Variants in ATL3 observed in about 807,000 individuals in gnomAD.
ATL3 encodes the protein atlastin-3.
ATL3 carries 49 observed loss-of-function variants against 69.5 expected under a neutral mutation model. The ratio of observed to expected loss-of-function variants is 0.71; its 90% CI spans 0.56 to 0.89. The LOEUF (loss-of-function observed/expected upper bound fraction) is 0.89. ATL3 is among the 40% of genes least tolerant of loss of function. The pLI is 0.00. For missense variants in ATL3, 606 were observed against 645.7 expected (o/e 0.94, Z 0.67); for synonymous variants, 214 against 224.1 (o/e 0.95, Z 0.40).
Position 63,663,112 on chromosome 11 carries a change from G to A in ATL3, c.47-3860C>T, listed in dbSNP as rs76668508. Reference sequence around the variant, plus strand: ...TATAGTATCAGATAGCAACAGAAGGGTTCTTCGCACTTTTTTTTTTTTTGG... The same window carrying A: ...TATAGTATCAGATAGCAACAGAAGGATTCTTCGCACTTTTTTTTTTTTTGG... On this transcript the variant is annotated intron_variant, in intron 1 of 12. Transcript: ENST00000398868. Among the ~76,000 whole-genome samples, 1,408 of 151,432 alleles carry A rather than the reference G, an allele frequency of 9.3e-3. 11 individuals are homozygous for A. The highest frequency in any genetic ancestry group is 0.014 in the Non-Finnish European group (945 of 67,914).
At chr11:63,652,307 T>C (rs1940102218) in intron 4 of ATL3, among the ~76,000 whole-genome samples, 164 bp downstream of exon 4, 1 of 152,236 alleles carries the variant, frequency 6.6e-6, no homozygotes. Context: ...AAAAATTCTT[T>C]GGCTCCTTCT....
At position 63,632,479 on chromosome 11, in the gene ATL3, G is replaced by A. The variant is rs563419710; in HGVS notation, c.1107+547C>T. The A allele has an allele frequency of 3.6e-4, 305 of 856,840 alleles. 1 individual carries two copies. In the African/African-American group the frequency reaches 4.3e-3, roughly 12 times the overall value. 53.1% of individuals were successfully genotyped at this position (856,840 alleles called of 1,614,324 possible). A position where few individuals can be genotyped will look rare whatever the true frequency, so the allele number is the denominator to read the frequency against. ...ATCAAATATTTGTAAAAGAGTAACT[G>A]GTTTGGAAGGAGACAAAATCCTCAC... On this transcript the variant is annotated intron_variant, in intron 11 of 12. Transcript: ENST00000398868.
At chr11:63,651,305 A>C (rs1455526369) in intron 5 of ATL3, among the ~76,000 whole-genome samples, 1 of 152,088 alleles carries the variant, frequency 6.6e-6, no homozygotes, top group East Asian at 1.9e-4. Context: ...AAATACAAAA[A>C]GTAGCCGGGC....
intron 12 of ATL3, 63 bp from the exon 13 acceptor site, chr11:63,629,468 A>T: frequency 6.9e-7 from 1 of 1,450,928 alleles, no homozygotes; most frequent in African/African-American, 1.4e-5. Flanking sequence ...CAAGAAAGTA[A>T]GTCCTTAAAC....
chr11:63,630,525 C>T (rs1361901028), intron 12 of ATL3, among the ~76,000 whole-genome samples: 3 of 150,924 alleles, frequency 2.0e-5, no homozygotes, highest in African/African-American at 2.4e-5. Context: ...GGGCTGGGCA[C>T]GGTGGCTCAC....
At chr11:63,632,313 T>G in intron 11 of ATL3, 2 of 786,238 alleles carry the variant, frequency 2.5e-6, no homozygotes, top group Non-Finnish European at 4.7e-6. Context: ...AATACGTTGG[T>G]GGTGTTGTCA....
At position 63,633,022 on chromosome 11, in the gene ATL3, G is replaced by C; in HGVS notation, c.1107+4C>G. Reference sequence around the variant, plus strand: ...TTTCAGAATAAGGCGTATGTCCCACGTACCTCTTCCATGTTGTTATAATAA... The same window carrying C: ...TTTCAGAATAAGGCGTATGTCCCACCTACCTCTTCCATGTTGTTATAATAA... On this transcript the variant is annotated splice_donor_region_variant and intron_variant, in intron 11 of 12. Transcript: ENST00000398868. 6.2e-7 allele frequency: 1 copy of C among 1,613,506 alleles called. No individual in the cohort carries two copies. Among genetic ancestry groups the C allele is most frequent in the East Asian group, 2.2e-5 (1 of 44,874 alleles).
chr11:63,657,780 C>T (rs1396806015), intron 3 of ATL3, among the ~76,000 whole-genome samples: 1 of 151,548 alleles, frequency 6.6e-6, no homozygotes, highest in Admixed American at 6.6e-5. Flanking sequence ...CAGAAAATAA[C>T]AGTTCATAAA....
rs36043798 is a variant in ATL3 at position 63,630,250 on chromosome 11, T to TA, written c.1539+789dup. 5.1e-3 allele frequency among the ~76,000 whole-genome samples: 621 copies of TA among 121,396 alleles called. 3 individuals carry two copies. Among genetic ancestry groups the TA allele is most frequent in the African/African-American group, 0.013 (437 of 32,690 alleles). 79.6% of individuals were successfully genotyped at this position (121,396 alleles called of 152,430 possible). A position where few individuals can be genotyped will look rare whatever the true frequency, so the allele number is the denominator to read the frequency against. On this transcript the variant is annotated intron_variant, in intron 12 of 12. Transcript: ENST00000398868. ...TAACATGGCAAAACACTGTCTCTAC[T>TA]AAAAAAAAAAAAAAAAATACAGAAA...
At chr11:63,644,382 CTTTTTTT>C (rs5792299) in intron 6 of ATL3, 121 bp from the exon 7 acceptor site, 43 of 345,172 alleles carry the variant, frequency 1.2e-4, no homozygotes, top group Non-Finnish European at 2.0e-4. Flanking sequence ...AAGGATTTAC[CTTTTTTT>C]TTTTTTTTTT....
At chr11:63,639,988 G>A (rs1273121925) in intron 8 of ATL3, among the ~76,000 whole-genome samples, 1 of 151,770 alleles carries the variant, frequency 6.6e-6, no homozygotes, top group Non-Finnish European at 1.5e-5. Context: ...GAGTACAATG[G>A]CGCGATCTCA....
intron 11 of ATL3, among the ~76,000 whole-genome samples, chr11:63,631,843 G>A (rs1033999335): frequency 7.2e-5 from 11 of 152,232 alleles, no homozygotes; most frequent in African/African-American, 1.7e-4. Context: ...TTAGCCGGGC[G>A]TGATGGCAGG....
Position 63,633,105 on chromosome 11 carries a change from G to A in ATL3, c.1036-8C>T. The A allele has an allele frequency of 6.2e-7, 1 of 1,613,136 alleles. No individual in the cohort carries two copies. ...GTTGGCTTCAGCAGTGGCCTTTTAA[G>A]AGAGAAAAACGTGAACTGTAAATCC... On this transcript the variant is annotated splice_polypyrimidine_tract_variant and splice_region_variant and intron_variant, in intron 10 of 12. Transcript: ENST00000398868.
intron 1 of ATL3, among the ~76,000 whole-genome samples, chr11:63,660,944 TGGC>T (rs1317415452): frequency 6.6e-6 from 1 of 151,892 alleles, no homozygotes; most frequent in Non-Finnish European, 1.5e-5. Context: ...CCAGGCTCAG[TGGC>T]TCACATTTAC....
At chr11:63,651,405 T>TAA (rs879686827) in intron 5 of ATL3, among the ~76,000 whole-genome samples, 2 of 137,068 alleles carry the variant, frequency 1.5e-5, no homozygotes, top group African/African-American at 2.7e-5. Flanking sequence ...GACTTCGTCT[T>TAA]AAAAAAAAAA....
intron 8 of ATL3, among the ~76,000 whole-genome samples, chr11:63,639,477 T>C (rs1238873587): frequency 2.0e-5 from 3 of 152,232 alleles, no homozygotes; most frequent in Non-Finnish European, 4.4e-5. Flanking sequence ...CTGGGCGTGG[T>C]GGCTCAAGCC....
chr11:63,654,857 C>A (rs564363972), intron 3 of ATL3, among the ~76,000 whole-genome samples: 2 of 151,106 alleles, frequency 1.3e-5, no homozygotes, highest in Admixed American at 6.6e-5. Context: ...CCACCATACC[C>A]GGCTAATTTT....
Position 63,629,262 on chromosome 11 carries a change from A to T in ATL3, c.*57T>A. On this transcript the variant is annotated 3_prime_UTR_variant, in exon 13 of 13. Transcript: ENST00000398868. Reference sequence around the variant, plus strand: ...GGATATGAACCTGTGGCCGTGGCAGAAACCCAGAAATCAGTAGGGGCTTGT... The same window carrying T: ...GGATATGAACCTGTGGCCGTGGCAGTAACCCAGAAATCAGTAGGGGCTTGT... 6.8e-7 allele frequency: 1 copy of T among 1,460,412 alleles called. No individual in the cohort carries two copies. 90.5% of individuals were successfully genotyped at this position (1,460,412 alleles called of 1,614,324 possible). A position where few individuals can be genotyped will look rare whatever the true frequency, so the allele number is the denominator to read the frequency against.
At chr11:63,632,197 A>T (rs1249188899) in intron 11 of ATL3, 1 of 582,532 alleles carries the variant, frequency 1.7e-6, no homozygotes, top group East Asian at 3.1e-5. Context: ...TCTATGACCA[A>T]TGGTGGCAGA....
Sources: gnomAD v4.1 joint callset for allele counts (sites outside exome capture counted in the v4.1 genomes callset) on GRCh38, gnomAD v4.1.1 for gene constraint, MANE v1.5 for transcripts, NCBI Gene and HGNC (gene_info 2026-07-23, HGNC 2026-07-21) for gene names.